Variants in UTRN observed in about 807,000 individuals in gnomAD.
UTRN encodes utrophin, also known as dystrophin-related protein 1.
Under a neutral mutation model 463.9 loss-of-function variants are expected in UTRN, and 283 were observed. The observed-to-expected ratio is 0.61, with a 90% confidence interval of 0.55 to 0.67. UTRN has a LOEUF of 0.67. UTRN is among the 30% of genes least tolerant of loss of function. The probability of loss-of-function intolerance (pLI) is 0.00; values close to 1 mark genes in which losing one functional copy is unlikely to be tolerated. For synonymous variants in UTRN, 1,442 were observed against 1,431.5 expected, an observed-to-expected ratio of 1.01 and a Z score of -0.17; for missense variants, 3,922 against 4,084.3, an observed-to-expected ratio of 0.96 and a Z score of 1.08.
intron 52 of UTRN, among the ~76,000 whole-genome samples, chr6:144,693,369 A>G (rs914811252): frequency 2.0e-5 from 3 of 152,076 alleles, no homozygotes; most frequent in South Asian, 2.1e-4. Flanking sequence ...TGCCTTGGCT[A>G]TTGTGCTCTT....
intron 21 of UTRN, among the ~76,000 whole-genome samples, chr6:144,460,278 A>G (rs796065582): frequency 2.3e-4 from 35 of 152,264 alleles, no homozygotes; most frequent in African/African-American, 7.5e-4. Context: ...ACGTTACACT[A>G]TTTACTTCCT....
At chr6:144,732,279 CACACATAT>C (rs1788745826) in intron 54 of UTRN, among the ~76,000 whole-genome samples, 1 of 103,214 alleles carries the variant, frequency 9.7e-6, no homozygotes, top group African/African-American at 4.1e-5. Flanking sequence ...TATATATATA[CACACATAT>C]ATATATATAC....
intron 32 of UTRN, among the ~76,000 whole-genome samples, chr6:144,491,944 A>C (rs947066821): frequency 6.6e-6 from 1 of 152,170 alleles, no homozygotes; most frequent in Non-Finnish European, 1.5e-5. Context: ...GGTTTCAGGT[A>C]ACTAGGAAGA....
chr6:144,410,996 GT>G (rs1783850450), intron 3 of UTRN, among the ~76,000 whole-genome samples: 1 of 152,038 alleles, frequency 6.6e-6, no homozygotes, highest in African/African-American at 2.4e-5. Flanking sequence ...CTGGTTCCAT[GT>G]TTTTGCAATT....
intron 51 of UTRN, among the ~76,000 whole-genome samples, chr6:144,599,571 C>CTT (rs1804022111): frequency 6.6e-6 from 1 of 151,914 alleles, no homozygotes; most frequent in Non-Finnish European, 1.5e-5. Context: ...GCATATACAG[C>CTT]AAATCACTTA....
chr6:144,561,653 T>C lies in UTRN; in HGVS notation c.7289+4342T>C, dbSNP rs73600160. Among the ~76,000 whole-genome samples, 896 of 152,280 alleles carry C rather than the reference T, an allele frequency of 5.9e-3. 13 individuals carry two copies. Among genetic ancestry groups the C allele is most frequent in the African/African-American group, 0.019 (799 of 41,562 alleles). On this transcript the variant is annotated intron_variant, in intron 50 of 74. Coordinates refer to ENST00000367545, the MANE Select transcript of UTRN (RefSeq NM_007124.3). ...GCAATCCTTGGTTAAAAGCCCATCT[T>C]AGGCACTTGCCTTCTGTGCTAACCT...
At chr6:144,359,751 G>A (rs151250680) in intron 2 of UTRN, among the ~76,000 whole-genome samples, 84 of 138,364 alleles carry the variant, frequency 6.1e-4, no homozygotes, top group Middle Eastern at 3.8e-3. Flanking sequence ...TAGTTACTCT[G>A]CCATTCAACA....
At chr6:144,789,067 A>G in intron 61 of UTRN, 127 bp from the exon 62 acceptor site, 1 of 717,522 alleles carries the variant, frequency 1.4e-6, no homozygotes, top group Non-Finnish European at 2.3e-6. Flanking sequence ...GTTAATAGAA[A>G]AGTTGCATCT....
chr6:144,373,963 C>T (rs1780224699), intron 2 of UTRN, among the ~76,000 whole-genome samples: 1 of 152,166 alleles, frequency 6.6e-6, no homozygotes, highest in East Asian at 1.9e-4. Context: ...CTTTGAATTA[C>T]CGTGGGTGTA....
chr6:144,597,198 A>C (rs1041207484), intron 51 of UTRN, among the ~76,000 whole-genome samples: 21 of 148,746 alleles, frequency 1.4e-4, no homozygotes, highest in African/African-American at 5.2e-4. Flanking sequence ...AGATTGTACC[A>C]CTGCACTCCA....
intron 1 of UTRN, among the ~76,000 whole-genome samples, chr6:144,289,310 A>G (rs1243151251): frequency 1.3e-5 from 2 of 152,160 alleles, no homozygotes; most frequent in Non-Finnish European, 1.5e-5. Flanking sequence ...TATCCAATCA[A>G]TTCCCAAATC....
chr6:144,725,371 C>T (rs945481463), intron 53 of UTRN, among the ~76,000 whole-genome samples: 2 of 152,162 alleles, frequency 1.3e-5, no homozygotes, highest in South Asian at 2.1e-4. Flanking sequence ...TTACTAGCAG[C>T]GTGAGAATGG....
intron 25 of UTRN, among the ~76,000 whole-genome samples, chr6:144,477,197 T>G (rs1477883540): frequency 6.6e-6 from 1 of 152,132 alleles, no homozygotes; most frequent in Non-Finnish European, 1.5e-5. Flanking sequence ...TTGATTTTTA[T>G]TAGTGGAATA....
At chr6:144,696,404 T>G (rs927112952) in intron 52 of UTRN, among the ~76,000 whole-genome samples, 3 of 152,148 alleles carry the variant, frequency 2.0e-5, no homozygotes, top group African/African-American at 7.2e-5. Flanking sequence ...ATTTCAAAAT[T>G]TACTCATTTT....
At chr6:144,650,203 C>G (rs1778666507) in intron 51 of UTRN, among the ~76,000 whole-genome samples, 1 of 152,118 alleles carries the variant, frequency 6.6e-6, no homozygotes, top group Non-Finnish European at 1.5e-5. Flanking sequence ...ATGGGAAAGA[C>G]CCACCTTCAT....
intron 53 of UTRN, among the ~76,000 whole-genome samples, chr6:144,710,595 T>C (rs930611390): frequency 3.3e-5 from 5 of 152,210 alleles, no homozygotes; most frequent in African/African-American, 1.2e-4. Flanking sequence ...TTCAGCAACA[T>C]CAATAATAAA....
At chr6:144,734,352 A>T (rs1446697333) in intron 54 of UTRN, among the ~76,000 whole-genome samples, 1 of 152,260 alleles carries the variant, frequency 6.6e-6, no homozygotes, top group Non-Finnish European at 1.5e-5. Flanking sequence ...TGATATTATC[A>T]GCAGTAGAGT....
chr6:144,715,061 C>A (rs765348634), intron 53 of UTRN, among the ~76,000 whole-genome samples: 1 of 152,154 alleles, frequency 6.6e-6, no homozygotes, highest in Non-Finnish European at 1.5e-5. Flanking sequence ...AAAATGCCAT[C>A]TATATGCCAA....
chr6:144,617,081 T>C (rs1323821587), intron 51 of UTRN, among the ~76,000 whole-genome samples: 1 of 152,174 alleles, frequency 6.6e-6, no homozygotes, highest in African/African-American at 2.4e-5. Context: ...TTGGTTACAT[T>C]CAGGGTCAAT....
Sources: gnomAD v4.1 joint callset for allele counts (sites outside exome capture counted in the v4.1 genomes callset) on GRCh38, gnomAD v4.1.1 for gene constraint, MANE v1.5 for transcripts, NCBI Gene and HGNC (gene_info 2026-07-23, HGNC 2026-07-21) for gene names.